SINHCAF: variants seen among roughly 807,000 people sequenced by gnomAD.
SINHCAF encodes SIN3-HDAC complex associated factor.
SINHCAF carries 3 observed loss-of-function variants against 25.8 expected under a neutral mutation model. That is an observed-to-expected ratio of 0.12 (90% CI 0.05 to 0.30). The LOEUF is 0.30. SINHCAF is among the 10% of genes least tolerant of loss of function. SINHCAF has a pLI of 1.00. For missense variants in SINHCAF, 121 were observed against 262.3 expected (o/e 0.46, Z 3.72); for synonymous variants, 70 against 85.5 (o/e 0.82, Z 1.00).
At chr12:31,285,377 G>GTCTC (rs144868057) in intron 5 of SINHCAF, among the ~76,000 whole-genome samples, 2,939 of 148,594 alleles carry the variant, frequency 0.02, 65 homozygotes, top group African/African-American at 0.052. Context: ...GACAGAGTGA[G>GTCTC]TCTCTCTCTC....
chr12:31,302,463 G>A (rs936138712), intron 1 of SINHCAF, among the ~76,000 whole-genome samples: 2 of 148,924 alleles, frequency 1.3e-5, no homozygotes, highest in Non-Finnish European at 3.0e-5. Context: ...TCATCATCTC[G>A]GATGCCAGTC....
chr12:31,305,877 G>A (rs1939006560), intron 1 of SINHCAF, among the ~76,000 whole-genome samples: 1 of 151,902 alleles, frequency 6.6e-6, no homozygotes, highest in African/African-American at 2.4e-5. Flanking sequence ...TTTTTGTATT[G>A]TTAGTGGAGA....
At chr12:31,318,259 GC>G (rs1038108091) in intron 1 of SINHCAF, among the ~76,000 whole-genome samples, 1 of 152,168 alleles carries the variant, frequency 6.6e-6, no homozygotes, top group African/African-American at 2.4e-5. Context: ...AACCCATGGA[GC>G]AGTAAGACAT....
intron 1 of SINHCAF, among the ~76,000 whole-genome samples, chr12:31,320,824 G>A (rs1939668022): frequency 1.3e-5 from 2 of 152,070 alleles, no homozygotes; most frequent in Admixed American, 1.3e-4. Context: ...ATTTCAAGCA[G>A]GAGCAGGGGG....
intron 1 of SINHCAF, chr12:31,311,574 GC>G: frequency 3.3e-6 from 1 of 304,160 alleles, no homozygotes; most frequent in African/African-American, 2.2e-5. Context: ...GCATGAGCAA[GC>G]CAGTGAGTGG....
intron 1 of SINHCAF, among the ~76,000 whole-genome samples, chr12:31,318,489 T>A (rs1431674306): frequency 1.3e-5 from 2 of 152,154 alleles, no homozygotes; most frequent in African/African-American, 4.8e-5. Flanking sequence ...GAATCCACAC[T>A]TGGCAGAAGA....
chr12:31,315,584 G>C (rs1939465075), intron 1 of SINHCAF, among the ~76,000 whole-genome samples: 2 of 152,184 alleles, frequency 1.3e-5, no homozygotes, highest in Non-Finnish European at 2.9e-5. Context: ...GATTTGAAAG[G>C]TTACAGTTAA....
At chr12:31,298,819 T>C (rs1938655989) in intron 1 of SINHCAF, among the ~76,000 whole-genome samples, 2 of 152,156 alleles carry the variant, frequency 1.3e-5, no homozygotes, top group Non-Finnish European at 2.9e-5. Flanking sequence ...GAAGGGAAGA[T>C]GTAAAATTCA....
rs1233604383 is a variant in SINHCAF at position 31,281,927 on chromosome 12, G to A, written c.*785C>T. ...TGCAACAGAAAGCTCAGTCTGTCCT[G>A]CTTAATAATCAGTAGTACAGGTGTG... On this transcript the variant is annotated 3_prime_UTR_variant, in exon 6 of 6. Coordinates refer to ENST00000337682, the MANE Select transcript of SINHCAF (RefSeq NM_001135812.2). 1 of 152,328 alleles carries A rather than the reference G, an allele frequency of 6.6e-6. No homozygotes were observed. Among genetic ancestry groups the A allele is most frequent in the Admixed American group, 6.6e-5 (1 of 15,266 alleles). 9.4% of individuals were successfully genotyped at this position (152,328 alleles called of 1,614,324 possible). A position where few individuals can be genotyped will look rare whatever the true frequency, so the allele number is the denominator to read the frequency against.
intron 4 of SINHCAF, 98 bp from the exon 5 acceptor site, chr12:31,287,882 AAAG>A (rs1404937350): frequency 3.9e-6 from 2 of 515,028 alleles, no homozygotes; most frequent in Admixed American, 4.0e-5. Flanking sequence ...AGTTGGTAAA[AAAG>A]AAAAAGTAAA....
At chr12:31,295,427 ATGGTT>A in intron 2 of SINHCAF, 94 bp from the exon 3 acceptor site, 3 of 779,886 alleles carry the variant, frequency 3.8e-6, no homozygotes, top group Non-Finnish European at 6.7e-6. Flanking sequence ...GTATCTATGT[ATGGTT>A]TATAGATACA....
At chr12:31,312,246 T>C (rs1463625481) in intron 1 of SINHCAF, among the ~76,000 whole-genome samples, 1 of 152,240 alleles carries the variant, frequency 6.6e-6, no homozygotes, top group Non-Finnish European at 1.5e-5. Context: ...CTTCACTGTA[T>C]AGAATTCCGT....
intron 1 of SINHCAF, among the ~76,000 whole-genome samples, chr12:31,322,424 C>A (rs765708482): frequency 2.0e-5 from 3 of 152,174 alleles, no homozygotes; most frequent in Non-Finnish European, 4.4e-5. Context: ...GAAAGGAAAG[C>A]CAAAGTTATT....
At chr12:31,299,774 A>G (rs978384638) in intron 1 of SINHCAF, among the ~76,000 whole-genome samples, 1 of 152,218 alleles carries the variant, frequency 6.6e-6, no homozygotes, top group Admixed American at 6.5e-5. Context: ...ATTCTGAGAA[A>G]TGCATCATTG....
chr12:31,298,310 C>A lies in SINHCAF; in HGVS notation c.-20-86G>T. ...AGTTCTCTCTGCTCCACCCCACCCCCAAGCAACTTGGTGTTATATGACCAA... is the reference window on the plus strand; with the variant it reads ...AGTTCTCTCTGCTCCACCCCACCCCAAAGCAACTTGGTGTTATATGACCAA... On this transcript the variant is annotated intron_variant, in intron 1 of 5. Coordinates refer to ENST00000337682, the MANE Select transcript of SINHCAF (RefSeq NM_001135812.2). 5 of 1,521,812 alleles carry A rather than the reference C, an allele frequency of 3.3e-6. No homozygotes were observed. The South Asian group carries it at 3.4e-5, about 10-fold the overall frequency. 94.3% of individuals were successfully genotyped at this position (1,521,812 alleles called of 1,614,324 possible).
rs1018436029 is a variant in SINHCAF, at chr12:31,324,170, G to C, written c.-21+1854C>G. On this transcript the variant is annotated intron_variant, in intron 1 of 5. Transcript: ENST00000337682. This position sits in a 1 kb window ranked among gnomAD's most constrained non-coding sequence, Gnocchi z 5.5. ...CACCTGCGCCGGAACAACGGGCCCC[G>C]CGCCAGCCCGGCCCGGCGCCTCCCG... 9 of 270,504 alleles carry C rather than the reference G, an allele frequency of 3.3e-5. No homozygotes were observed. The highest frequency in any genetic ancestry group is 1.9e-4 in the South Asian group (6 of 31,182). The allele number at this position is 270,504 out of a possible 1,614,324, so 16.8% of individuals were successfully genotyped here. A position where few individuals can be genotyped will look rare whatever the true frequency, so the allele number is the denominator to read the frequency against.
At chr12:31,308,701 T>TATATCC (rs1939135025) in intron 1 of SINHCAF, among the ~76,000 whole-genome samples, 2 of 152,148 alleles carry the variant, frequency 1.3e-5, no homozygotes, top group South Asian at 4.2e-4. Flanking sequence ...GAAAAGTAAG[T>TATATCC]GGGGCGCTGT....
At chr12:31,304,175 A>T (rs375941031) in intron 1 of SINHCAF, 3 of 151,298 alleles carry the variant, frequency 2.0e-5, no homozygotes, top group African/African-American at 7.3e-5. Flanking sequence ...CCAGCTATTT[A>T]CACTATGTGC....
rs1481869638 is a variant in SINHCAF, at chr12:31,325,334, G to A, written c.-21+690C>T. The A allele has an allele frequency of 2.4e-6, 1 of 425,120 alleles. No homozygotes were observed. Among genetic ancestry groups the A allele is most frequent in the Non-Finnish European group, 4.7e-6 (1 of 211,928 alleles). 26.3% of individuals were successfully genotyped at this position (425,120 alleles called of 1,614,324 possible). A position where few individuals can be genotyped will look rare whatever the true frequency, so the allele number is the denominator to read the frequency against. On this transcript the variant is annotated intron_variant, in intron 1 of 5. Transcript: ENST00000337682. This position sits in a 1 kb window ranked among gnomAD's most constrained non-coding sequence, Gnocchi z 5.9. ...ACGGGCTGTTTTTAAGCGACCGCGT[G>A]TTGCTCTCATTGTCGCATCCGCATC...
Sources: gnomAD v4.1 joint callset for allele counts (sites outside exome capture counted in the v4.1 genomes callset) on GRCh38, gnomAD v4.1.1 for gene constraint, Gnocchi (gnomAD v3.1) non-coding constraint, MANE v1.5 for transcripts, NCBI Gene and HGNC (gene_info 2026-07-23, HGNC 2026-07-21) for gene names.